Variants in TRANK1 observed in about 807,000 individuals in gnomAD.
TRANK1 encodes tetratricopeptide repeat and ankyrin repeat containing 1, also known as TPR and ankyrin repeat-containing protein 1.
A neutral mutation model predicts 266.0 loss-of-function variants in TRANK1; 198 were observed. The ratio of observed to expected loss-of-function variants is 0.74; its 90% CI spans 0.66 to 0.84. The LOEUF (loss-of-function observed/expected upper bound fraction) is 0.84, where lower values mean the gene tolerates loss of function less well. Among genes scored for constraint, TRANK1 ranks in the 40% least tolerant of loss-of-function variants. TRANK1 has a pLI of 0.00. For missense variants in TRANK1, 3,326 were observed against 3,634.6 expected (o/e 0.92, Z 2.18); for synonymous variants, 1,396 against 1,384.1 (o/e 1.01, Z -0.19).
chr3:36,903,027 A>T, intron 3 of TRANK1, 122 bp downstream of exon 3: 1 of 1,274,202 alleles, frequency 7.8e-7, no homozygotes, highest in South Asian at 1.6e-5. Context: ...AAAAGGAAGG[A>T]GGCAGCAGCT....
Position 36,856,218 on chromosome 3 carries a change from C to T in TRANK1, c.3504G>A (p.Glu1168=). 6.2e-7 allele frequency: 1 copy of T among 1,613,862 alleles called. No individual in the cohort carries two copies. Among genetic ancestry groups the T allele is most frequent in the South Asian group, 1.1e-5 (1 of 91,074 alleles). The change falls in exon 13 of 24, where the codon GAG becomes GAA. Residue 1168 remains glutamate (E), a synonymous_variant. Coordinates refer to ENST00000645898, the MANE Select transcript of TRANK1 (RefSeq NM_001329998.2). ...YEACAGGAGV[E]PAGDGQAAEV... is the part of the protein sequence containing the mutation. Reference sequence around the variant, plus strand: ...CTGCAGCTTGGCCGTCCCCTGCTGGCTCCACACCGGCTCCTCCTGCGCAGG... The same window carrying T: ...CTGCAGCTTGGCCGTCCCCTGCTGGTTCCACACCGGCTCCTCCTGCGCAGG...
intron 20 of TRANK1, 84 bp from the exon 21 acceptor site, chr3:36,834,991 G>A (rs964556748): frequency 7.5e-7 from 1 of 1,324,758 alleles, no homozygotes; most frequent in Non-Finnish European, 1.0e-6. Context: ...GTAATAAAGA[G>A]GATAGTCATA....
At position 36,856,981 on chromosome 3, in the gene TRANK1, T is replaced by C. The variant is rs1364797496; in HGVS notation, c.2741A>G (p.Asn914Ser). The change falls in exon 13 of 24, where the codon AAC (asparagine) becomes AGC (serine). Residue 914 changes from asparagine (N) to serine (S), a missense_variant. Physicochemically the swap from Asn to Ser is conservative, Grantham distance 46. Transcript: ENST00000645898. ...AIDFSPRCSE[N>S]PEKIIATEQN... ...CTCCGTGGCAATGATCTTCTCAGGG[T>C]TCTCACTGCATCGAGGGGAGAAGTC... 12 of 1,613,768 alleles carry C rather than the reference T, an allele frequency of 7.4e-6. No homozygotes were observed. The highest frequency in any genetic ancestry group is 2.2e-5 in the South Asian group (2 of 91,052).
chr3:36,834,663 C>T (rs3796186), intron 21 of TRANK1, 99 bp downstream of exon 21: 351,572 of 1,403,672 alleles, frequency 0.25, 45,515 homozygotes, highest in Middle Eastern at 0.35. Context: ...TGTGGTCAAA[C>T]CATGTCAGAA....
At position 36,842,698 on chromosome 3, in the gene TRANK1, C is replaced by T. The variant is rs775126821; in HGVS notation, c.5204G>A (p.Ser1735Asn). Reference sequence around the variant, plus strand: ...AGGAGTTGAGGTCTTAACGAACATGCTATCATCAAAGTCTAAAATGAGAAA... The same window carrying T: ...AGGAGTTGAGGTCTTAACGAACATGTTATCATCAAAGTCTAAAATGAGAAA... ...KTDENKDFDDSMFVKTSTPAE... is the reference protein window; with the variant it reads ...KTDENKDFDDNMFVKTSTPAE... Residue 1735 changes from serine to asparagine, a missense_variant, in exon 18 of 24, where the codon AGC becomes AAC. By Grantham distance (46) the Ser-to-Asn change is conservative. Transcript: ENST00000645898. The T allele has an allele frequency of 1.9e-6, 3 of 1,613,790 alleles. No individual in the cohort carries two copies. Among genetic ancestry groups the T allele is most frequent in the African/African-American group, 1.3e-5 (1 of 75,044 alleles).
intron 1 of TRANK1, among the ~76,000 whole-genome samples, chr3:36,918,522 AGAAAGAAAGAAGGAAG>A (rs1559473317): frequency 1.0e-4 from 3 of 28,942 alleles, no homozygotes; most frequent in Admixed American, 8.1e-4. Context: ...AAAGAAAGAA[AGAAAGAAAGAAGGAAG>A]GAAGGAAGGA....
chr3:36,921,329 C>T (rs1251826897), intron 1 of TRANK1, among the ~76,000 whole-genome samples: 1 of 152,222 alleles, frequency 6.6e-6, no homozygotes, highest in Non-Finnish European at 1.5e-5. Context: ...GGTGTGCTCT[C>T]ACCATTACTC....
chr3:36,876,411 T>C (rs1404570061), intron 8 of TRANK1, among the ~76,000 whole-genome samples: 2 of 152,262 alleles, frequency 1.3e-5, no homozygotes, highest in Non-Finnish European at 2.9e-5. Context: ...CTTCTGGCTC[T>C]AGTGACTGAT....
chr3:36,865,651 T>A (rs1036641283), intron 9 of TRANK1, among the ~76,000 whole-genome samples: 1 of 152,086 alleles, frequency 6.6e-6, no homozygotes, highest in African/African-American at 2.4e-5. Flanking sequence ...ACGGGTGGAT[T>A]GCTTGAGCTC....
chr3:36,904,058 A>G (rs1248442302), intron 2 of TRANK1, among the ~76,000 whole-genome samples: 1 of 151,814 alleles, frequency 6.6e-6, no homozygotes, highest in African/African-American at 2.4e-5. Context: ...TCCTGGGTTC[A>G]AGCACTTCTG....
intron 15 of TRANK1, among the ~76,000 whole-genome samples, chr3:36,848,803 G>T (rs1489258662): frequency 6.6e-6 from 1 of 152,196 alleles, no homozygotes; most frequent in African/African-American, 2.4e-5. Context: ...ACCAAGGAAA[G>T]TAGGCAGAAG....
rs1559430409 is a variant in TRANK1 at position 36,856,086 on chromosome 3, A to G, written c.3636T>C (p.Leu1212=). ...GACTAGTGGCCTTGGTGGACTTGGA[A>G]AGCTCAATGAAATTCCTTTGTACCT... ...CQEVQRNFIE[L]SKSTKATSHY... is the part of the protein sequence containing the mutation. The change falls in exon 13 of 24, where the codon CTT becomes CTC. Residue 1212 remains leucine (L), a synonymous_variant. Coordinates refer to ENST00000645898, the MANE Select transcript of TRANK1 (RefSeq NM_001329998.2). 10 of 1,613,676 alleles carry G rather than the reference A, an allele frequency of 6.2e-6. No individual in the cohort carries two copies. Among genetic ancestry groups the G allele is most frequent in the Non-Finnish European group, 4.2e-6 (5 of 1,179,828 alleles).
rs188902370 is a variant in TRANK1 at position 36,867,971 on chromosome 3, T to C, written c.1079-3491A>G. Among the ~76,000 whole-genome samples, 710 of 152,310 alleles carry C rather than the reference T, an allele frequency of 4.7e-3. 13 individuals carry two copies. Among genetic ancestry groups the C allele is most frequent in the East Asian group, 0.011 (57 of 5,184 alleles). ...TCCCACACCCCAAAGATGTGTACGA[T>C]AGGTGAACTCACATGTCTCAGTTGT... On this transcript the variant is annotated intron_variant, in intron 9 of 23. Coordinates refer to ENST00000645898, the MANE Select transcript of TRANK1 (RefSeq NM_001329998.2).
chr3:36,942,044 G>A (rs1235457380), intron 1 of TRANK1, among the ~76,000 whole-genome samples: 2 of 152,140 alleles, frequency 1.3e-5, no homozygotes, highest in Admixed American at 6.6e-5. Context: ...CTCCTCTTCA[G>A]ATCACTTTAC....
Position 36,834,880 on chromosome 3 carries a change from G to T in TRANK1, c.5545C>A (p.Arg1849=). Residue 1849 remains arginine (R), a synonymous_variant, in exon 21 of 24, where the codon CGA becomes AGA. Coordinates refer to ENST00000645898, the MANE Select transcript of TRANK1 (RefSeq NM_001329998.2). The part of the protein sequence containing the change: ...KIRDAAYFYK[R]SQCYKDAFRC... Reference sequence around the variant, plus strand: ...AAAGCGTCTTTGTAGCACTGGCTTCGCTTATAGAAATAGGCAGCATCTCTT... The same window carrying T: ...AAAGCGTCTTTGTAGCACTGGCTTCTCTTATAGAAATAGGCAGCATCTCTT... 1.2e-6 allele frequency: 2 copies of T among 1,612,314 alleles called. No individual in the cohort carries two copies. The highest frequency in any genetic ancestry group is 1.7e-6 in the Non-Finnish European group (2 of 1,179,356).
At chr3:36,861,745 G>A (rs185226402) in intron 10 of TRANK1, among the ~76,000 whole-genome samples, 134 of 130,668 alleles carry the variant, frequency 1.0e-3, no homozygotes, top group Middle Eastern at 9.9e-3. Context: ...TCACTCTGTC[G>A]CCCAGGCTGG....
At chr3:36,866,393 T>A (rs182404115) in intron 9 of TRANK1, among the ~76,000 whole-genome samples, 1 of 152,314 alleles carries the variant, frequency 6.6e-6, no homozygotes, top group East Asian at 1.9e-4. Context: ...TCAGTCAGGT[T>A]CCCTGGCAGC....
In TRANK1 at chr3:36,879,601, T is replaced by TATATATAAATATACAAATATATATAA. The variant is rs1559448010; in HGVS notation, c.908-5331_908-5306dup. 3.4e-4 allele frequency among the ~76,000 whole-genome samples: 22 copies of TATATATAAATATACAAATATATATAA among 64,518 alleles called. 5 individuals are homozygous for TATATATAAATATACAAATATATATAA. Among genetic ancestry groups the TATATATAAATATACAAATATATATAA allele is most frequent in the African/African-American group, 2.2e-3 (22 of 10,138 alleles). The allele number at this position is 64,518 out of a possible 152,430, so 42.3% of individuals were successfully genotyped here. ...ATATATAAATATACAAATATATAAA[T>TATATATAAATATACAAATATATATAA]ATATATAAATATACAAATATATATA... On this transcript the variant is annotated intron_variant, in intron 8 of 23. Transcript: ENST00000645898.
intron 8 of TRANK1, among the ~76,000 whole-genome samples, chr3:36,884,633 T>C (rs1305179492): frequency 6.6e-6 from 1 of 152,244 alleles, no homozygotes; most frequent in East Asian, 1.9e-4. Flanking sequence ...CTTCATTACA[T>C]AAGAATTCCA....
Sources: allele counts gnomAD v4.1 joint callset (sites outside exome capture counted in the v4.1 genomes callset), GRCh38; gene constraint gnomAD v4.1.1; transcripts MANE v1.5; gene names NCBI Gene and HGNC (gene_info 2026-07-23, HGNC 2026-07-21).